Variants in PIEZO1 observed in about 807,000 individuals in gnomAD.
PIEZO1 encodes piezo type mechanosensitive ion channel component 1 (Er blood group), also known as piezo-type mechanosensitive ion channel component 1.
Under a neutral mutation model 297.2 loss-of-function variants are expected in PIEZO1, and 296 were observed. That is an observed-to-expected ratio of 1.00 (90% CI 0.91 to 1.10). PIEZO1 has a LOEUF of 1.10. Among genes scored for constraint, PIEZO1 ranks in the 50% least tolerant of loss-of-function variants. PIEZO1 has a pLI of 0.00. For synonymous variants in PIEZO1, 2,427 were observed against 1,507.5 expected (o/e 1.61, Z -14.13); for missense variants, 5,018 against 3,455.5 (o/e 1.45, Z -11.34).
intron 2 of PIEZO1, among the ~76,000 whole-genome samples, chr16:88,744,619 C>T (rs1385127510): frequency 1.3e-5 from 2 of 150,494 alleles, no homozygotes; most frequent in Non-Finnish European, 3.0e-5. Context: ...GGCTACATCT[C>T]GGATGTCACT....
intron 1 of PIEZO1, among the ~76,000 whole-genome samples, chr16:88,779,425 C>A (rs1230066475): frequency 6.6e-6 from 1 of 152,194 alleles, no homozygotes; most frequent in Non-Finnish European, 1.5e-5. Flanking sequence ...CTCAGCATCG[C>A]GCTTTGTGAA....
chr16:88,778,358 A>T (rs1167084912), intron 1 of PIEZO1, among the ~76,000 whole-genome samples: 1 of 152,258 alleles, frequency 6.6e-6, no homozygotes, highest in Non-Finnish European at 1.5e-5. Context: ...AGGAAGGAGA[A>T]GCAGCCCCAG....
chr16:88,742,128 C>T (rs1411945537), intron 3 of PIEZO1, 33 bp from the exon 4 acceptor site: 1 of 1,535,136 alleles, frequency 6.5e-7, no homozygotes, highest in Non-Finnish European at 8.7e-7. Flanking sequence ...CCAGGTCAGG[C>T]TCTGCCCAGC....
At chr16:88,756,337 C>T (rs563571367) in intron 1 of PIEZO1, among the ~76,000 whole-genome samples, 6,352 of 152,256 alleles carry the variant, frequency 0.042, 328 homozygotes, top group African/African-American at 0.12. Context: ...AGTCGTTCTG[C>T]CTCGGGACTC....
rs544068377 is a variant in PIEZO1 at position 88,735,309 on chromosome 16, G to A, written c.1558-63C>T. Reference sequence around the variant, plus strand: ...CCCAGCACCCCTCCCACAGCCGGGGGACCCAGCACCCTCCTATAGCAGGGG... The same window carrying A: ...CCCAGCACCCCTCCCACAGCCGGGGAACCCAGCACCCTCCTATAGCAGGGG... On this transcript the variant is annotated intron_variant, in intron 12 of 50. Transcript: ENST00000301015. 1.3e-4 allele frequency: 156 copies of A among 1,180,446 alleles called. 2 individuals carry two copies. The South Asian group carries it at 1.4e-3, about 10-fold the overall frequency. 73.1% of individuals were successfully genotyped at this position (1,180,446 alleles called of 1,614,324 possible).
chr16:88,784,044 G>A (rs974699940), intron 1 of PIEZO1, among the ~76,000 whole-genome samples: 1 of 152,190 alleles, frequency 6.6e-6, no homozygotes, highest in Non-Finnish European at 1.5e-5. Flanking sequence ...CGGAGGGCGC[G>A]GACCCTGGGT....
chr16:88,753,248 AGC>A (rs1304896796), intron 1 of PIEZO1, among the ~76,000 whole-genome samples: 1 of 34,200 alleles, frequency 2.9e-5, no homozygotes, highest in Non-Finnish European at 5.0e-5. Flanking sequence ...GCCCCCCCAG[AGC>A]GCACCCAGCC....
chr16:88,770,954 C>T (rs1907398996), intron 1 of PIEZO1, among the ~76,000 whole-genome samples: 1 of 152,344 alleles, frequency 6.6e-6, no homozygotes, highest in Non-Finnish European at 1.5e-5. Context: ...GTCACATGCC[C>T]TGAGCGCAGG....
At chr16:88,748,457 C>CCCCAAGGTGGTT (rs1906182504) in intron 2 of PIEZO1, among the ~76,000 whole-genome samples, 1 of 122,880 alleles carries the variant, frequency 8.1e-6, no homozygotes, top group South Asian at 2.9e-4. Context: ...CCAGCTCAGA[C>CCCCAAGGTGGTT]CCCAAGGTGG....
rs1245004069 is a variant in PIEZO1 at position 88,720,720 on chromosome 16, C to A, written c.5697G>T (p.Gly1899=). 5 of 1,527,142 alleles carry A rather than the reference C, an allele frequency of 3.3e-6. No homozygotes were observed. The South Asian group carries it at 6.2e-5, about 19-fold the overall frequency. The allele number at this position is 1,527,142 out of a possible 1,614,324, so 94.6% of individuals were successfully genotyped here. Residue 1899 remains glycine (G), a synonymous_variant, in exon 40 of 51, where the codon GGG becomes GGT. Coordinates refer to ENST00000301015, the MANE Select transcript of PIEZO1 (RefSeq NM_001142864.4). ...IEAEDREEEE[G]EEEKEAPTGR... ...CCGTGGGGGCCTCTTTCTCTTCCTC[C>A]CCCTCTTCTTCCTCCCTGTCCTCAG...
At chr16:88,755,908 CA>C (rs1906632297) in intron 1 of PIEZO1, among the ~76,000 whole-genome samples, 3 of 152,132 alleles carry the variant, frequency 2.0e-5, no homozygotes, top group Admixed American at 2.0e-4. Context: ...AAACCGGGGC[CA>C]GGGGGTGGCA....
In PIEZO1 at chr16:88,717,254, C is replaced by T. The variant is rs1597440579; in HGVS notation, c.6472-43G>A. On this transcript the variant is annotated intron_variant, in intron 44 of 50. Coordinates refer to ENST00000301015, the MANE Select transcript of PIEZO1 (RefSeq NM_001142864.4). ...AGGTCATACGCTCAGCTCTGCCCTT[C>T]CTGCGGGTCACACAACCGCATTCTC... 5.3e-6 allele frequency: 8 copies of T among 1,517,294 alleles called. No individual in the cohort carries two copies. The East Asian group carries it at 2.0e-4, about 37-fold the overall frequency. The allele number at this position is 1,517,294 out of a possible 1,614,324, so 94.0% of individuals were successfully genotyped here. A position where few individuals can be genotyped will look rare whatever the true frequency, so the allele number is the denominator to read the frequency against.
chr16:88,734,393 A>G lies in PIEZO1; in HGVS notation c.2143T>C (p.Ser715Pro), dbSNP rs1905069408. The change falls in exon 16 of 51, where the codon TCC (serine) becomes CCC (proline). Residue 715 changes from serine to proline, a missense_variant. Physicochemically the swap from Ser to Pro is moderately conservative, Grantham distance 74 (BLOSUM62 -1). Coordinates refer to ENST00000301015, the MANE Select transcript of PIEZO1 (RefSeq NM_001142864.4). ...CGCGGGAGGCGCGTGCCAGGCAGGG[A>G]CACGTGCTCCATGTCGGTGAGCTGC... is the stretch of plus-strand genomic sequence containing the variant. ...FMQLTDMEHV[S>P]LPGTRLPRWA... 7 of 1,547,708 alleles carry G rather than the reference A, an allele frequency of 4.5e-6. No individual in the cohort carries two copies. The highest frequency in any genetic ancestry group is 6.1e-6 in the Non-Finnish European group (7 of 1,145,400).
chr16:88,773,267 C>T (rs1182896804), intron 1 of PIEZO1, among the ~76,000 whole-genome samples: 2 of 152,244 alleles, frequency 1.3e-5, no homozygotes, highest in Non-Finnish European at 2.9e-5. Context: ...AGGCCTGAGT[C>T]AGGACAGCCC....
Position 88,737,708 on chromosome 16 carries a change from C to G in PIEZO1, c.1107+20G>C. On this transcript the variant is annotated intron_variant, in intron 9 of 50. Transcript: ENST00000301015. Reference sequence around the variant, plus strand: ...CCGGGCGCCCCCCACGCTGGCGTCTCCACCTGCCTGGCTGCTCACCTGGTC... The same window carrying G: ...CCGGGCGCCCCCCACGCTGGCGTCTGCACCTGCCTGGCTGCTCACCTGGTC... The G allele has an allele frequency of 6.5e-7, 1 of 1,534,790 alleles. No homozygotes were observed. Among genetic ancestry groups the G allele is most frequent in the Non-Finnish European group, 8.7e-7 (1 of 1,145,968 alleles).
In PIEZO1 at chr16:88,720,281, C is replaced by G; in HGVS notation, c.5952G>C (p.Lys1984Asn). The change falls in exon 42 of 51, where the codon AAG (lysine) becomes AAC (asparagine). Residue 1984 changes from lysine (K) to asparagine (N), a missense_variant and splice_region_variant. Physicochemically the swap from Lys to Asn is moderately conservative, Grantham distance 94. Coordinates refer to ENST00000301015, the MANE Select transcript of PIEZO1 (RefSeq NM_001142864.4). ...ACGTGATGTCTGTGGCCGCCGAGTG[C>G]TTCTGTGGCCAGGAGAGCACAGGTC... ...IIIFGFWAFGKHSAATDITSS... is the reference protein window; with the variant it reads ...IIIFGFWAFGNHSAATDITSS... The G allele has an allele frequency of 6.5e-7, 1 of 1,550,316 alleles. No individual in the cohort carries two copies. Among genetic ancestry groups the G allele is most frequent in the Non-Finnish European group, 8.7e-7 (1 of 1,146,928 alleles).
intron 1 of PIEZO1, among the ~76,000 whole-genome samples, chr16:88,762,956 C>T (rs1489571791): frequency 6.6e-6 from 1 of 152,206 alleles, no homozygotes; most frequent in Non-Finnish European, 1.5e-5. Flanking sequence ...CTCCAGGCTG[C>T]AGGACTAGGA....
At chr16:88,748,419 G>T (rs999919433) in intron 2 of PIEZO1, among the ~76,000 whole-genome samples, 202 of 152,344 alleles carry the variant, frequency 1.3e-3, no homozygotes, top group Non-Finnish European at 2.6e-3. Context: ...TCTGTTTGGA[G>T]GATACGGGAG....
At chr16:88,749,538 A>G (rs1213217082) in intron 1 of PIEZO1, 59 bp from the exon 2 acceptor site, 3 of 1,273,382 alleles carry the variant, frequency 2.4e-6, no homozygotes, top group African/African-American at 1.5e-5. Flanking sequence ...CCCACCCCAG[A>G]GGACAGCGCA....
Sources: allele counts gnomAD v4.1 joint callset (sites outside exome capture counted in the v4.1 genomes callset), GRCh38; gene constraint gnomAD v4.1.1; transcripts MANE v1.5; gene names NCBI Gene and HGNC (gene_info 2026-07-23, HGNC 2026-07-21).